TSHR: variants seen among roughly 807,000 people sequenced by gnomAD.
The protein encoded by TSHR is thyroid stimulating hormone receptor.
TSHR carries 51 observed loss-of-function variants against 64.1 expected under a neutral mutation model. The ratio of observed to expected loss-of-function variants is 0.80; its 90% CI spans 0.64 to 1.01. The LOEUF is 1.01. TSHR is among the 50% of genes least tolerant of loss of function. TSHR has a pLI of 0.00. For missense variants in TSHR, 877 were observed against 942.8 expected, an observed-to-expected ratio of 0.93 and a Z score of 0.91; for synonymous variants, 361 against 361.9, an observed-to-expected ratio of 1.00 and a Z score of 0.03.
chr14:81,094,935 T>G (rs903648345), intron 6 of TSHR, among the ~76,000 whole-genome samples: 4 of 152,154 alleles, frequency 2.6e-5, no homozygotes, highest in Admixed American at 2.0e-4. Context: ...TATCACATTT[T>G]TAGAGATAAA....
chr14:81,078,466 C>A (rs532888948), intron 3 of TSHR, among the ~76,000 whole-genome samples: 7 of 152,212 alleles, frequency 4.6e-5, no homozygotes, highest in Non-Finnish European at 8.8e-5. Flanking sequence ...TGCTTTTCAA[C>A]TGTTTAATCA....
chr14:80,962,146 A>C (rs918562390), intron 1 of TSHR, among the ~76,000 whole-genome samples: 43 of 152,176 alleles, frequency 2.8e-4, no homozygotes, highest in African/African-American at 8.9e-4. Flanking sequence ...GCCCTGACTC[A>C]CCAGATTCCT....
intron 8 of TSHR, 132 bp from the exon 9 acceptor site, chr14:81,139,547 T>A: frequency 1.1e-6 from 1 of 932,932 alleles, no homozygotes; most frequent in Non-Finnish European, 1.7e-6. Context: ...GAAGCTCAGC[T>A]TATGTACTCA....
chr14:81,121,011 G>T (rs1266181161), intron 8 of TSHR, among the ~76,000 whole-genome samples: 1 of 151,668 alleles, frequency 6.6e-6, no homozygotes, highest in African/African-American at 2.4e-5. Context: ...TGAAATAGAG[G>T]AAAGAAAAAA....
chr14:80,964,016 T>A (rs1393227256), intron 1 of TSHR, among the ~76,000 whole-genome samples: 1 of 152,176 alleles, frequency 6.6e-6, no homozygotes, highest in Non-Finnish European at 1.5e-5. Context: ...CAGAGGCCCG[T>A]GGGACATGCT....
At chr14:81,099,923 G>T (rs1326643995) in intron 7 of TSHR, among the ~76,000 whole-genome samples, 2 of 152,100 alleles carry the variant, frequency 1.3e-5, no homozygotes, top group Admixed American at 6.5e-5. Context: ...TCTCAGTGTA[G>T]GTCTAGCAGC....
At chr14:81,041,640 C>A (rs1884929000) in intron 1 of TSHR, among the ~76,000 whole-genome samples, 1 of 152,030 alleles carries the variant, frequency 6.6e-6, no homozygotes, top group African/African-American at 2.4e-5. Flanking sequence ...ACCTATGGAA[C>A]AAACCTGCAC....
At chr14:81,092,455 G>A in intron 5 of TSHR, 76 bp from the exon 6 acceptor site, 1 of 1,248,618 alleles carries the variant, frequency 8.0e-7, no homozygotes, top group South Asian at 1.2e-5. Flanking sequence ...TTATTTAAGT[G>A]CATATGCGCA....
chr14:81,106,938 CAAA>C (rs5810011), intron 7 of TSHR: 20 of 109,370 alleles, frequency 1.8e-4, no homozygotes, highest in Non-Finnish European at 2.3e-4. Context: ...GACTCCATCT[CAAA>C]AAAAAAAAAA....
In TSHR at chr14:80,957,523, T is replaced by A. The variant is rs143582560; in HGVS notation, c.170+1673T>A. Among the ~76,000 whole-genome samples the A allele has an allele frequency of 8.4e-3, 1,283 of 151,872 alleles. 15 individuals are homozygous for A. Among genetic ancestry groups the A allele is most frequent in the Middle Eastern group, 0.017 (5 of 290 alleles). On this transcript the variant is annotated intron_variant, in intron 1 of 9. Coordinates refer to ENST00000298171, the MANE Select transcript of TSHR (RefSeq NM_000369.5). ...CAAATGAATATGCCAGGTCTCTGAA[T>A]GTCCACTCTATGTTGGGGAGAAAGA...
At chr14:80,972,065 T>A (rs1887614962) in intron 1 of TSHR, among the ~76,000 whole-genome samples, 1 of 152,198 alleles carries the variant, frequency 6.6e-6, no homozygotes, top group Non-Finnish European at 1.5e-5. Context: ...ATGTTTAGAT[T>A]TAAATTCATG....
intron 8 of TSHR, among the ~76,000 whole-genome samples, chr14:81,136,666 A>T (rs1197915914): frequency 1.3e-5 from 2 of 152,222 alleles, no homozygotes; most frequent in Non-Finnish European, 2.9e-5. Context: ...GCTTCAGCTC[A>T]GATAAACTTC....
intron 6 of TSHR, chr14:81,095,662 A>T (rs1338682573): frequency 6.6e-6 from 1 of 152,212 alleles, no homozygotes; most frequent in East Asian, 1.9e-4. Flanking sequence ...ATGTCTCAGT[A>T]ACTTCAATAG....
Position 81,003,915 on chromosome 14 carries a change from T to C in TSHR, c.170+48065T>C, listed in dbSNP as rs117396962. Among the ~76,000 whole-genome samples the C allele has an allele frequency of 2.9e-3, 438 of 152,316 alleles. 1 individual carries two copies. Among genetic ancestry groups the C allele is most frequent in the Non-Finnish European group, 5.0e-3 (340 of 68,030 alleles). On this transcript the variant is annotated intron_variant, in intron 1 of 9. Coordinates refer to ENST00000298171, the MANE Select transcript of TSHR (RefSeq NM_000369.5). ...TCACTAAATCCCGCCAATTTGTTTTTAGTAACATCGCCAGAACCTGCCTAC... is the reference window on the plus strand; with the variant it reads ...TCACTAAATCCCGCCAATTTGTTTTCAGTAACATCGCCAGAACCTGCCTAC...
chr14:81,117,589 C>T (rs1031943331), intron 8 of TSHR, among the ~76,000 whole-genome samples: 1 of 140,218 alleles, frequency 7.1e-6, no homozygotes. Flanking sequence ...CGAATTCTAC[C>T]AGAGGTACAA....
intron 1 of TSHR, among the ~76,000 whole-genome samples, chr14:81,036,216 T>C (rs1884617094): frequency 6.6e-6 from 1 of 152,156 alleles, no homozygotes; most frequent in South Asian, 2.1e-4. Context: ...TGGAGAGATA[T>C]GTACATCCAG....
chr14:81,143,279 G>A lies in TSHR; in HGVS notation c.1221G>A (p.Pro407=), dbSNP rs138471706. The A allele has an allele frequency of 2.8e-5, 46 of 1,614,046 alleles. No homozygotes were observed. Among genetic ancestry groups the A allele is most frequent in the Non-Finnish European group, 3.8e-5 (45 of 1,180,038 alleles). Residue 407 remains proline (P), a synonymous_variant, in exon 10 of 10, where the codon CCG becomes CCA. Transcript: ENST00000298171. ...CCCCCAAGTCCGATGAGTTCAACCC[G>A]TGTGAAGACATAATGGGCTACAAGT... The part of the protein sequence containing the change: ...VCTPKSDEFN[P]CEDIMGYKFL...
intron 1 of TSHR, among the ~76,000 whole-genome samples, chr14:81,033,613 C>T (rs1349518036): frequency 8.2e-6 from 1 of 122,412 alleles, no homozygotes; most frequent in African/African-American, 3.2e-5. Context: ...TCCATATGGT[C>T]TTTTTCTAAA....
At chr14:81,109,467 G>C (rs8017199) in intron 8 of TSHR, among the ~76,000 whole-genome samples, 128,641 of 152,216 alleles carry the variant, frequency 0.85, 54,677 homozygotes, top group African/African-American at 0.93. Context: ...ACACAGCACC[G>C]TAGAGATACA....
Sources: allele counts gnomAD v4.1 joint callset (sites outside exome capture counted in the v4.1 genomes callset), GRCh38; gene constraint gnomAD v4.1.1; transcripts MANE v1.5; gene names NCBI Gene and HGNC (gene_info 2026-07-23, HGNC 2026-07-21).